The following ITGA8 variants were observed in gnomAD, a reference collection of about 807,000 sequenced individuals.
ITGA8 encodes integrin alpha-8.
A neutral mutation model predicts 142.3 loss-of-function variants in ITGA8; 91 were observed. The ratio of observed to expected loss-of-function variants is 0.64; its 90% CI spans 0.54 to 0.76. ITGA8 has a LOEUF of 0.76. Ranked by LOEUF, ITGA8 falls within the 30% of genes least tolerant of loss-of-function variation. The probability of loss-of-function intolerance (pLI) is 0.00; values close to 1 mark genes in which losing one functional copy is unlikely to be tolerated. For missense variants in ITGA8, 1,406 were observed against 1,327.7 expected (o/e 1.06, Z -0.92); for synonymous variants, 505 against 485.2 (o/e 1.04, Z -0.54).
rs546368502 is a variant in ITGA8, at chr10:15,688,834, A to G, written c.344-796T>C. Among the ~76,000 whole-genome samples, 9 of 152,364 alleles carry G rather than the reference A, an allele frequency of 5.9e-5. No homozygotes were observed. In the South Asian group the frequency reaches 1.9e-3, roughly 32 times the overall value. On this transcript the variant is annotated intron_variant, in intron 2 of 29. Transcript: ENST00000378076. ...TAAAAACTCTTTAAAAGTTAGTTAT[A>G]GAGGGAATGTACCTACACACAGTGA...
chr10:15,664,128 T>A (rs1321130909), intron 8 of ITGA8, among the ~76,000 whole-genome samples: 1 of 152,170 alleles, frequency 6.6e-6, no homozygotes, highest in East Asian at 1.9e-4. Flanking sequence ...TAGACAATAC[T>A]ATTAGCTCAT....
intron 26 of ITGA8, among the ~76,000 whole-genome samples, chr10:15,554,417 G>A (rs556260613): frequency 1.3e-5 from 2 of 152,246 alleles, no homozygotes; most frequent in Admixed American, 1.3e-4. Context: ...ATTCTTTTGG[G>A]CTAGTGCCTC....
chr10:15,606,326 G>T lies in ITGA8; in HGVS notation c.1861C>A (p.Pro621Thr), dbSNP rs776210673. The change falls in exon 18 of 30, where the codon CCA becomes ACA. Residue 621 changes from proline (P) to threonine (T), a missense_variant. Physicochemically the swap from Pro to Thr is conservative, Grantham distance 38. Transcript: ENST00000378076. Reference sequence around the variant, plus strand: ...TTTTCTCTGTAGTAGTTCAATATTGGTTTCACTTCCAGGCCTTCTTTAAAG... The same window carrying T: ...TTTTCTCTGTAGTAGTTCAATATTGTTTTCACTTCCAGGCCTTCTTTAAAG... ...STFKEGLEVKPILNYYRENIV... is the reference protein window; with the variant it reads ...STFKEGLEVKTILNYYRENIV... 2.5e-6 allele frequency: 4 copies of T among 1,611,934 alleles called. No individual in the cohort carries two copies. Among genetic ancestry groups the T allele is most frequent in the Admixed American group, 3.3e-5 (2 of 59,952 alleles).
chr10:15,640,904 C>G (rs1833859231), intron 13 of ITGA8, among the ~76,000 whole-genome samples: 1 of 152,166 alleles, frequency 6.6e-6, no homozygotes. Flanking sequence ...GAGCAATGCC[C>G]CAAAGGCCAC....
chr10:15,625,627 C>G (rs1245867126), intron 13 of ITGA8, among the ~76,000 whole-genome samples: 1 of 152,202 alleles, frequency 6.6e-6, no homozygotes, highest in Non-Finnish European at 1.5e-5. Flanking sequence ...CCTAATGGGA[C>G]TTGATGATTT....
intron 2 of ITGA8, among the ~76,000 whole-genome samples, chr10:15,711,145 GAAC>G (rs1835356016): frequency 2.0e-5 from 3 of 152,132 alleles, no homozygotes; most frequent in African/African-American, 7.2e-5. Flanking sequence ...ATGACACAAG[GAAC>G]AACATTTCAT....
intron 24 of ITGA8, among the ~76,000 whole-genome samples, 165 bp from the exon 25 acceptor site, chr10:15,572,534 G>A (rs1385156297): frequency 1.3e-5 from 2 of 152,202 alleles, no homozygotes; most frequent in Admixed American, 6.5e-5. Flanking sequence ...ATGGCAAGAA[G>A]CACTCTGAAA....
At chr10:15,620,961 A>T (rs918025206) in intron 13 of ITGA8, among the ~76,000 whole-genome samples, 3 of 152,206 alleles carry the variant, frequency 2.0e-5, no homozygotes, top group Admixed American at 2.0e-4. Context: ...TGTGCTTAGG[A>T]ATTTAAATGT....
At chr10:15,633,643 C>G (rs1186844448) in intron 13 of ITGA8, among the ~76,000 whole-genome samples, 3 of 152,100 alleles carry the variant, frequency 2.0e-5, no homozygotes, top group Non-Finnish European at 4.4e-5. Context: ...GGGTCTTGAG[C>G]TCCTGATCTC....
At chr10:15,517,694 C>T (rs757563130) in intron 29 of ITGA8, among the ~76,000 whole-genome samples, 2 of 152,318 alleles carry the variant, frequency 1.3e-5, no homozygotes, top group Admixed American at 1.3e-4. Flanking sequence ...TTAGGAGGTT[C>T]GAGCAGAGTG....
intron 27 of ITGA8, among the ~76,000 whole-genome samples, chr10:15,542,356 G>T (rs557030847): frequency 6.6e-5 from 10 of 152,258 alleles, no homozygotes; most frequent in South Asian, 2.1e-4. Context: ...AGATGTGACT[G>T]GTGAGACTGG....
intron 14 of ITGA8, among the ~76,000 whole-genome samples, chr10:15,615,323 C>A (rs970502544): frequency 6.6e-6 from 1 of 152,182 alleles, no homozygotes; most frequent in African/African-American, 2.4e-5. Context: ...TGGTACAAGT[C>A]AACCCTCTCT....
At chr10:15,678,091 C>T (rs1033468745) in intron 5 of ITGA8, among the ~76,000 whole-genome samples, 4 of 152,148 alleles carry the variant, frequency 2.6e-5, no homozygotes, top group Admixed American at 2.0e-4. Flanking sequence ...AGCAAACACT[C>T]CAGACTAGCA....
chr10:15,650,873 A>G (rs577253323), intron 11 of ITGA8, among the ~76,000 whole-genome samples: 1 of 152,208 alleles, frequency 6.6e-6, no homozygotes, highest in Non-Finnish European at 1.5e-5. Flanking sequence ...CTTCAATTAC[A>G]TTACAGAAAT....
chr10:15,673,176 C>T (rs1387877924), intron 6 of ITGA8, among the ~76,000 whole-genome samples: 10 of 152,246 alleles, frequency 6.6e-5, no homozygotes, highest in Middle Eastern at 6.8e-3. Flanking sequence ...CTCTGTCTCC[C>T]GGGTTCAAGT....
rs564753254 is a variant in ITGA8 at position 15,590,836 on chromosome 10, C to T, written c.2291+1389G>A. Among the ~76,000 whole-genome samples the T allele has an allele frequency of 2.0e-5, 3 of 152,174 alleles. No individual in the cohort carries two copies. The East Asian group carries it at 5.8e-4, about 29-fold the overall frequency. On this transcript the variant is annotated intron_variant, in intron 22 of 29. Coordinates refer to ENST00000378076, the MANE Select transcript of ITGA8 (RefSeq NM_003638.3). ...TAAATTTTATCCAGATTTTAAGAAC[C>T]TAAAATTCAGCAGAAAATGTCTAAG...
At chr10:15,618,778 C>T (rs886479024) in intron 13 of ITGA8, among the ~76,000 whole-genome samples, 4 of 152,226 alleles carry the variant, frequency 2.6e-5, no homozygotes, top group Admixed American at 1.3e-4. Flanking sequence ...CTTTGGGACT[C>T]GGACTGGCTT....
At chr10:15,520,176 C>T (rs1452218441) in intron 28 of ITGA8, among the ~76,000 whole-genome samples, 1 of 152,048 alleles carries the variant, frequency 6.6e-6, no homozygotes, top group East Asian at 1.9e-4. Flanking sequence ...CTTTGGGAGG[C>T]CAAGGTGGGT....
rs1039398709 is a variant in ITGA8 at position 15,719,919 on chromosome 10, G to A, written c.-148C>T. On this transcript the variant is annotated 5_prime_UTR_variant, in exon 1 of 30. In the 5' UTR this introduces an upstream ATG that the reference lacks. Transcript: ENST00000378076. ...CGCACCCGTGGTGACAGTGCCCGGC[G>A]TCTGCTCCCACCCGCCCGCCCGCCC... The A allele has an allele frequency of 1.1e-5, 6 of 569,452 alleles. No individual in the cohort carries two copies. The highest frequency in any genetic ancestry group is 5.8e-5 in the African/African-American group (3 of 51,478). The allele number at this position is 569,452 out of a possible 1,614,324, so 35.3% of individuals were successfully genotyped here.
Sources: allele counts gnomAD v4.1 joint callset (sites outside exome capture counted in the v4.1 genomes callset), GRCh38; gene constraint gnomAD v4.1.1; transcripts MANE v1.5; gene names NCBI Gene and HGNC (gene_info 2026-07-23, HGNC 2026-07-21).